The following SLC25A12 variants were observed in gnomAD, a reference collection of about 807,000 sequenced individuals.
SLC25A12 encodes the protein solute carrier family 25 member 12, also known as electrogenic aspartate/glutamate antiporter SLC25A12, mitochondrial.
SLC25A12 carries 32 observed loss-of-function variants against 83.3 expected under a neutral mutation model. The ratio of observed to expected loss-of-function variants is 0.38; its 90% CI spans 0.29 to 0.52. The LOEUF is 0.52. Among genes scored for constraint, SLC25A12 ranks in the 20% least tolerant of loss-of-function variants. SLC25A12 has a pLI of 0.84. For synonymous variants in SLC25A12, 267 were observed against 291.1 expected, an observed-to-expected ratio of 0.92 and a Z score of 0.84; for missense variants, 611 against 835.6, an observed-to-expected ratio of 0.73 and a Z score of 3.31.
At chr2:171,882,109 C>A (rs1048675914) in intron 2 of SLC25A12, among the ~76,000 whole-genome samples, 19 of 152,170 alleles carry the variant, frequency 1.2e-4, no homozygotes, top group African/African-American at 3.6e-4. Flanking sequence ...TCTCTGTCTC[C>A]CAGCCTCCCT....
intron 3 of SLC25A12, among the ~76,000 whole-genome samples, chr2:171,858,119 C>T (rs1164322130): frequency 6.6e-6 from 1 of 151,858 alleles, no homozygotes; most frequent in Non-Finnish European, 1.5e-5. Context: ...CATCTTGCTG[C>T]TCATTAGTAA....
intron 14 of SLC25A12, among the ~76,000 whole-genome samples, chr2:171,793,388 A>C (rs959414435): frequency 6.6e-6 from 1 of 152,160 alleles, no homozygotes; most frequent in African/African-American, 2.4e-5. Flanking sequence ...TGAGGCCAGC[A>C]GGTCTGCGGT....
chr2:171,817,315 G>A (rs1004091600), intron 9 of SLC25A12, among the ~76,000 whole-genome samples: 1 of 151,958 alleles, frequency 6.6e-6, no homozygotes, highest in African/African-American at 2.4e-5. Context: ...CTTTAAAAAT[G>A]CACTGGGCCA....
At chr2:171,796,059 C>A (rs1412217567) in intron 13 of SLC25A12, among the ~76,000 whole-genome samples, 1 of 152,196 alleles carries the variant, frequency 6.6e-6, no homozygotes, top group Admixed American at 6.5e-5. Context: ...GATCCTCCCA[C>A]CTCAGCTTCC....
At position 171,826,845 on chromosome 2, in the gene SLC25A12, A is replaced by G. The variant is rs150020486; in HGVS notation, c.883T>C (p.Leu295=). 3.7e-6 allele frequency: 6 copies of G among 1,611,614 alleles called. No homozygotes were observed. The highest frequency in any genetic ancestry group is 1.3e-5 in the African/African-American group (1 of 74,812). ...TTGTAAGGTAAGGCCCCCTCAGCCA[A>G]TGGGGCTATTCTCTCAATATCTGCC... ...TLADIERIAP[L]AEGALPYNLA... Residue 295 remains leucine (L), a synonymous_variant, in exon 9 of 18, where the codon TTG becomes CTG. Transcript: ENST00000422440.
chr2:171,849,466 C>T (rs898417953), intron 4 of SLC25A12, among the ~76,000 whole-genome samples: 1 of 151,162 alleles, frequency 6.6e-6, no homozygotes, highest in African/African-American at 2.4e-5. Context: ...CTACTTCTTA[C>T]CAAATTAAGC....
intron 3 of SLC25A12, among the ~76,000 whole-genome samples, chr2:171,866,586 G>A (rs1270983549): frequency 4.2e-5 from 6 of 142,944 alleles, no homozygotes; most frequent in Admixed American, 3.4e-4. Context: ...CCGGGCGGGG[G>A]GCTGACCCCC....
At chr2:171,874,531 G>C (rs1422570811) in intron 2 of SLC25A12, among the ~76,000 whole-genome samples, 1 of 152,210 alleles carries the variant, frequency 6.6e-6, no homozygotes, top group Non-Finnish European at 1.5e-5. Flanking sequence ...AAACATTTCA[G>C]AGATTTTGTA....
intron 11 of SLC25A12, among the ~76,000 whole-genome samples, chr2:171,812,503 C>A (rs1482372597): frequency 6.6e-6 from 1 of 152,028 alleles, no homozygotes; most frequent in Non-Finnish European, 1.5e-5. Flanking sequence ...TCCCAAGTGG[C>A]GCCCAAAGAG....
At chr2:171,819,579 TAATTTAAATGAGTTA>T (rs1393106006) in intron 9 of SLC25A12, among the ~76,000 whole-genome samples, 1 of 148,872 alleles carries the variant, frequency 6.7e-6, no homozygotes, top group Non-Finnish European at 1.5e-5. Context: ...TCAAATCTAA[TAATTTAAATGAGTTA>T]AATTTAAATG....
chr2:171,848,164 C>T, intron 4 of SLC25A12: 1 of 471,066 alleles, frequency 2.1e-6, no homozygotes. Flanking sequence ...TTCTGCAGTA[C>T]AAAATTACCT....
intron 5 of SLC25A12, among the ~76,000 whole-genome samples, chr2:171,840,777 A>G (rs1368760815): frequency 6.6e-6 from 1 of 152,196 alleles, no homozygotes; most frequent in Non-Finnish European, 1.5e-5. Flanking sequence ...AAGTTTCCAG[A>G]TTAGAAAAGC....
At chr2:171,793,173 C>T (rs1037750188) in intron 14 of SLC25A12, among the ~76,000 whole-genome samples, 2 of 150,966 alleles carry the variant, frequency 1.3e-5, no homozygotes, top group South Asian at 2.1e-4. Flanking sequence ...TACCACTTAA[C>T]TTCTTAAAGA....
intron 3 of SLC25A12, among the ~76,000 whole-genome samples, chr2:171,859,046 T>C (rs1685097617): frequency 6.6e-6 from 1 of 152,130 alleles, no homozygotes; most frequent in African/African-American, 2.4e-5. Context: ...AATCAGTGAG[T>C]CTACTTAAAG....
chr2:171,826,908 T>C (rs1421709958), intron 8 of SLC25A12, 26 bp from the exon 9 acceptor site: 2 of 1,273,104 alleles, frequency 1.6e-6, no homozygotes, highest in Admixed American at 1.7e-5. Context: ...AGGAAAGAAT[T>C]GTTAGACACT....
chr2:171,848,074 C>T (rs1332817532), intron 4 of SLC25A12: 1 of 419,264 alleles, frequency 2.4e-6, no homozygotes, highest in Non-Finnish European at 5.0e-6. Context: ...CCCCAGAAAC[C>T]CATACTGTGT....
chr2:171,822,289 T>C (rs1684209273), intron 9 of SLC25A12, among the ~76,000 whole-genome samples: 2 of 152,304 alleles, frequency 1.3e-5, no homozygotes, highest in South Asian at 4.1e-4. Context: ...GCAGTTAACA[T>C]TTATTGCATG....
intron 13 of SLC25A12, among the ~76,000 whole-genome samples, chr2:171,807,701 T>C (rs1054155447): frequency 6.6e-6 from 1 of 152,178 alleles, no homozygotes; most frequent in African/African-American, 2.4e-5. Context: ...CAGAATCTAA[T>C]TGGAATAAAG....
chr2:171,863,517 C>T (rs1184846838), intron 3 of SLC25A12, among the ~76,000 whole-genome samples: 1 of 132,352 alleles, frequency 7.6e-6, no homozygotes, highest in Non-Finnish European at 1.6e-5. Flanking sequence ...CAGAGTGAGA[C>T]TCCGTCTCCG....
Sources: allele counts gnomAD v4.1 joint callset (sites outside exome capture counted in the v4.1 genomes callset), GRCh38; gene constraint gnomAD v4.1.1; transcripts MANE v1.5; gene names NCBI Gene and HGNC (gene_info 2026-07-23, HGNC 2026-07-21).